PLIN5: variants seen among roughly 807,000 people sequenced by gnomAD.
The protein encoded by PLIN5 is perilipin-5.
In PLIN5, 34 loss-of-function variants were observed where a neutral mutation model predicts 32.8. The observed-to-expected ratio is 1.04, with a 90% CI of 0.79 to 1.38. The LOEUF (loss-of-function observed/expected upper bound fraction) is 1.38, where lower values mean the gene tolerates loss of function less well. PLIN5 is among the 40% of genes most tolerant of loss of function. PLIN5 has a pLI of 0.00. For synonymous variants in PLIN5, 309 were observed against 292.9 expected (o/e 1.05, Z -0.56); for missense variants, 712 against 660.5 (o/e 1.08, Z -0.85).
Position 4,525,854 on chromosome 19 carries a change from C to T in PLIN5, c.521-22G>A. On this transcript the variant is annotated intron_variant, in intron 5 of 7. Transcript: ENST00000381848. The surrounding 1 kb of genome is among the most constrained non-coding windows in gnomAD (Gnocchi z 5.6). Reference sequence around the variant, plus strand: ...GCCGCTGGAGGACAGGATACGGGGACAGCACGGGGACAGGATACGGGGACA... The same window carrying T: ...GCCGCTGGAGGACAGGATACGGGGATAGCACGGGGACAGGATACGGGGACA... 1 of 1,545,748 alleles carries T rather than the reference C, an allele frequency of 6.5e-7. No individual in the cohort carries two copies. The highest frequency in any genetic ancestry group is 1.1e-5 in the South Asian group (1 of 87,502).
chr19:4,525,977 C>T lies in PLIN5; in HGVS notation c.521-145G>A, dbSNP rs1018571557. ...GCACGGGGACAGCATGGGGTCAGCA[C>T]AGCCACCCACCCCCTCCACATCTGC... On this transcript the variant is annotated intron_variant, in intron 5 of 7. Transcript: ENST00000381848. The surrounding 1 kb of genome is among the most constrained non-coding windows in gnomAD (Gnocchi z 5.6). 4.9e-6 allele frequency: 4 copies of T among 811,610 alleles called. No homozygotes were observed. The Admixed American group carries it at 9.9e-5, about 20-fold the overall frequency. The allele number at this position is 811,610 out of a possible 1,614,324, so 50.3% of individuals were successfully genotyped here.
chr19:4,534,894 C>T (rs978186644), intron 1 of PLIN5, among the ~76,000 whole-genome samples: 1 of 152,208 alleles, frequency 6.6e-6, no homozygotes, highest in South Asian at 2.1e-4. Flanking sequence ...CCCAAGGTCA[C>T]GCAGCCAGCT....
chr19:4,533,247 C>T (rs1039580039), intron 2 of PLIN5: 4 of 152,298 alleles, frequency 2.6e-5, no homozygotes, highest in East Asian at 1.9e-4. Context: ...AGGCACCCGC[C>T]ACCACACCCG....
chr19:4,533,858 A>C, intron 2 of PLIN5, 157 bp downstream of exon 2: 1 of 817,976 alleles, frequency 1.2e-6, no homozygotes, highest in Non-Finnish European at 1.9e-6. Flanking sequence ...CCCCACTAGG[A>C]AATAGACCAT....
intron 5 of PLIN5, among the ~76,000 whole-genome samples, chr19:4,528,050 C>G (rs1457477924): frequency 6.6e-6 from 1 of 151,806 alleles, no homozygotes; most frequent in Non-Finnish European, 1.5e-5. Flanking sequence ...GCTGGGACTA[C>G]AGGCGCCCGC....
chr19:4,523,230 G>A lies in PLIN5; in HGVS notation c.*298C>T, dbSNP rs940803916. On this transcript the variant is annotated 3_prime_UTR_variant, in exon 8 of 8. Coordinates refer to ENST00000381848, the MANE Select transcript of PLIN5 (RefSeq NM_001013706.3). This position sits in a 1 kb window ranked among gnomAD's most constrained non-coding sequence, Gnocchi z 5.0. ...GTGAGCCACTGTGCCCAGCCTCTTGGAAAGATTTGGATTCGCTTCATGGAG... is the reference window on the plus strand; with the variant it reads ...GTGAGCCACTGTGCCCAGCCTCTTGAAAAGATTTGGATTCGCTTCATGGAG... 6 of 318,840 alleles carry A rather than the reference G, an allele frequency of 1.9e-5. No homozygotes were observed. The highest frequency in any genetic ancestry group is 2.9e-5 in the Non-Finnish European group (5 of 174,896). The allele number at this position is 318,840 out of a possible 1,614,324, so 19.8% of individuals were successfully genotyped here.
Position 4,525,038 on chromosome 19 carries a change from C to T in PLIN5, c.759G>A (p.Pro253=), listed in dbSNP as rs575295609. ...GCTCGTGCACCTTCCCAGGGCAGGC[C>T]GGGGCGGTGGGGGTCACCCCACACT... is the stretch of plus-strand genomic sequence containing the variant. ...HMQCGVTPTA[P]ACPGKVHELW... is the part of the protein sequence containing the mutation. Residue 253 remains proline (P), a synonymous_variant, in exon 7 of 8, where the codon CCG becomes CCA. Coordinates refer to ENST00000381848, the MANE Select transcript of PLIN5 (RefSeq NM_001013706.3). This position sits in a 1 kb window ranked among gnomAD's most constrained non-coding sequence, Gnocchi z 5.6. The T allele has an allele frequency of 4.2e-5, 57 of 1,344,602 alleles. No individual in the cohort carries two copies. In the African/African-American group the frequency reaches 6.3e-4, roughly 15 times the overall value. 83.3% of individuals were successfully genotyped at this position (1,344,602 alleles called of 1,614,324 possible). A position where few individuals can be genotyped will look rare whatever the true frequency, so the allele number is the denominator to read the frequency against.
chr19:4,531,707 A>C lies in PLIN5; in HGVS notation c.176T>G (p.Leu59Arg). The C allele has an allele frequency of 6.3e-7, 1 of 1,579,206 alleles. No homozygotes were observed. The stretch of plus-strand genomic sequence containing the variant: ...CAGGCCGCACACGCAGTTCTCAGCC[A>C]GGCGGCAGGCGGAGCCCAGCAGCGG... The part of the protein sequence containing the change: ...RHPLLGSACR[L>R]AENCVCGLTT... The change falls in exon 3 of 8, where the codon CTG becomes CGG. Residue 59 changes from leucine (L) to arginine (R), a missense_variant. Coordinates refer to ENST00000381848, the MANE Select transcript of PLIN5 (RefSeq NM_001013706.3).
At position 4,524,963 on chromosome 19, in the gene PLIN5, C is replaced by A; in HGVS notation, c.834G>T (p.Gln278His). Reference sequence around the variant, plus strand: ...TCACCTGGCACTCCTGCGGTCTCACCTGGCTCCGGCGGCGGCTCTCCGGAG... The same window carrying A: ...TCACCTGGCACTCCTGCGGTCTCACATGGCTCCGGCGGCGGCTCTCCGGAG... ...QRPPESRRRS[Q>H]AELETLVLSR... The change falls in exon 7 of 8, where the codon CAG (glutamine) becomes CAT (histidine). Residue 278 changes from glutamine (Q) to histidine (H), a missense_variant and splice_region_variant. Gln to His is a conservative substitution (Grantham distance 24). Transcript: ENST00000381848. 6.5e-7 allele frequency: 1 copy of A among 1,532,694 alleles called. No homozygotes were observed. The highest frequency in any genetic ancestry group is 1.2e-5 in the South Asian group (1 of 83,028). 94.9% of individuals were successfully genotyped at this position (1,532,694 alleles called of 1,614,324 possible). A position where few individuals can be genotyped will look rare whatever the true frequency, so the allele number is the denominator to read the frequency against.
chr19:4,529,776 CG>C lies in PLIN5; in HGVS notation c.339+7del. ...CTGGAGGTCCCCATGTCTAGTCGTC[CG>C]GGGTACCGTCTCCGAAGGTTGCTGG... is the stretch of plus-strand genomic sequence containing the variant. On this transcript the variant is annotated splice_region_variant and intron_variant, in intron 4 of 7. Coordinates refer to ENST00000381848, the MANE Select transcript of PLIN5 (RefSeq NM_001013706.3). 1 of 1,611,546 alleles carries C rather than the reference CG, an allele frequency of 6.2e-7. No individual in the cohort carries two copies. Among genetic ancestry groups the C allele is most frequent in the African/African-American group, 1.3e-5 (1 of 74,922 alleles).
rs1435583036 is a variant in PLIN5, at chr19:4,529,547, TATATAC to T, written c.339+231_339+236del. The T allele has an allele frequency of 5.0e-5, 23 of 459,628 alleles. No individual in the cohort carries two copies. In the East Asian group the frequency reaches 5.8e-4, roughly 12 times the overall value. 28.5% of individuals were successfully genotyped at this position (459,628 alleles called of 1,614,324 possible). On this transcript the variant is annotated intron_variant, in intron 4 of 7. Coordinates refer to ENST00000381848, the MANE Select transcript of PLIN5 (RefSeq NM_001013706.3). Reference sequence around the variant, plus strand: ...ACATATACATATATACTTATACGTATATATACATATATACTTATACGTATATATACA... The same window carrying T: ...ACATATACATATATACTTATACGTATATATATACTTATACGTATATATACA...
chr19:4,532,810 A>T (rs1164794054), intron 2 of PLIN5: 1 of 152,278 alleles, frequency 6.6e-6, no homozygotes, highest in African/African-American at 2.4e-5. Flanking sequence ...CTGGGATTAC[A>T]GGTGCACACC....
chr19:4,533,672 C>G, intron 2 of PLIN5: 1 of 478,282 alleles, frequency 2.1e-6, no homozygotes, highest in Non-Finnish European at 3.7e-6. Flanking sequence ...GTGACTGATA[C>G]AGTGATTGCT....
chr19:4,525,020 C>T lies in PLIN5; in HGVS notation c.777G>A (p.Val259=), dbSNP rs1479759467. ...GGCCCCATTCCCCCCACAGCTCGTGCACCTTCCCAGGGCAGGCCGGGGCGG... is the reference window on the plus strand; with the variant it reads ...GGCCCCATTCCCCCCACAGCTCGTGTACCTTCCCAGGGCAGGCCGGGGCGG... ...TPTAPACPGK[V]HELWGEWGQR... The change falls in exon 7 of 8, where the codon GTG becomes GTA. Residue 259 remains valine, a synonymous_variant. Coordinates refer to ENST00000381848, the MANE Select transcript of PLIN5 (RefSeq NM_001013706.3). The surrounding 1 kb of genome is among the most constrained non-coding windows in gnomAD (Gnocchi z 5.6). The T allele has an allele frequency of 6.7e-7, 1 of 1,503,018 alleles. No homozygotes were observed. Among genetic ancestry groups the T allele is most frequent in the South Asian group, 1.3e-5 (1 of 79,240 alleles). The allele number at this position is 1,503,018 out of a possible 1,614,324, so 93.1% of individuals were successfully genotyped here.
intron 5 of PLIN5, among the ~76,000 whole-genome samples, chr19:4,527,550 A>AAC (rs1377878784): frequency 4.7e-5 from 6 of 127,702 alleles, no homozygotes. Context: ...AAAAAAAAAA[A>AAC]AAAAAAAAAA....
chr19:4,527,372 TAAAA>T (rs889123743), intron 5 of PLIN5, among the ~76,000 whole-genome samples: 1 of 150,152 alleles, frequency 6.7e-6, no homozygotes, highest in Non-Finnish European at 1.5e-5. Context: ...GCGCCCGGCC[TAAAA>T]AAAAATTTTT....
chr19:4,533,686 C>G (rs965828735), intron 2 of PLIN5: 2 of 498,894 alleles, frequency 4.0e-6, no homozygotes, highest in Non-Finnish European at 7.1e-6. Context: ...GATTGCTGCT[C>G]TTACTATTGT....
Position 4,525,588 on chromosome 19 carries a change from T to G in PLIN5, c.720+45A>C, listed in dbSNP as rs771445468. ...TATTCAGCTGGTGCTCAATCCATACTGATTGGCCTGCATCCCGGAGCAGGG... is the reference window on the plus strand; with the variant it reads ...TATTCAGCTGGTGCTCAATCCATACGGATTGGCCTGCATCCCGGAGCAGGG... On this transcript the variant is annotated intron_variant, in intron 6 of 7. Transcript: ENST00000381848. The surrounding 1 kb of genome is among the most constrained non-coding windows in gnomAD (Gnocchi z 5.6). 1 of 1,601,452 alleles carries G rather than the reference T, an allele frequency of 6.2e-7. No individual in the cohort carries two copies. The highest frequency in any genetic ancestry group is 8.5e-7 in the Non-Finnish European group (1 of 1,175,532).
In PLIN5 at chr19:4,531,727, C is replaced by A; in HGVS notation, c.156G>T (p.Leu52=). ...VYSAAKDRHP[L]LGSACRLAEN... ...CAGCCAGGCGGCAGGCGGAGCCCAG[C>A]AGCGGGTGCCTGTCCTTGGCTGCAC... The change falls in exon 3 of 8, where the codon CTG becomes CTT. Residue 52 remains leucine, a synonymous_variant. Transcript: ENST00000381848. 2 of 1,594,128 alleles carry A rather than the reference C, an allele frequency of 1.3e-6. No individual in the cohort carries two copies. Among genetic ancestry groups the A allele is most frequent in the Non-Finnish European group, 1.7e-6 (2 of 1,173,520 alleles).
Sources: gnomAD v4.1 joint callset for allele counts (sites outside exome capture counted in the v4.1 genomes callset) on GRCh38, gnomAD v4.1.1 for gene constraint, Gnocchi (gnomAD v3.1) non-coding constraint, MANE v1.5 for transcripts, NCBI Gene and HGNC (gene_info 2026-07-23, HGNC 2026-07-21) for gene names.